CEP112: variants seen among roughly 807,000 people sequenced by gnomAD.
CEP112 encodes the protein centrosomal protein of 112 kDa.
A neutral mutation model predicts 153.0 loss-of-function variants in CEP112; 127 were observed. That is an observed-to-expected ratio of 0.83 (90% CI 0.72 to 0.96). The LOEUF is 0.96. CEP112 is among the 40% of genes least tolerant of loss of function. The pLI is 0.00. For synonymous variants in CEP112, 358 were observed against 374.4 expected, an observed-to-expected ratio of 0.96 and a Z score of 0.51; for missense variants, 1,089 against 1,101.2, an observed-to-expected ratio of 0.99 and a Z score of 0.16.
At chr17:66,134,988 T>C (rs996696625) in intron 4 of CEP112, among the ~76,000 whole-genome samples, 1 of 152,194 alleles carries the variant, frequency 6.6e-6, no homozygotes, top group Non-Finnish European at 1.5e-5. Context: ...CTCTGGATGA[T>C]CCAATGTATT....
At position 66,137,997 on chromosome 17, in the gene CEP112, A is replaced by G. The variant is rs139236078; in HGVS notation, c.471-5234T>C. On this transcript the variant is annotated intron_variant, in intron 4 of 26. Transcript: ENST00000535342. ...AAAGATGAAAGTCTTAAAAATAACT[A>G]TAACAGTTACTGAAACACCAGGAGT... Among the ~76,000 whole-genome samples the G allele has an allele frequency of 5.6e-3, 846 of 152,280 alleles. 5 individuals are homozygous for G. Among genetic ancestry groups the G allele is most frequent in the Non-Finnish European group, 9.2e-3 (623 of 68,024 alleles).
At chr17:66,087,540 A>T (rs2067984181) in intron 8 of CEP112, among the ~76,000 whole-genome samples, 1 of 152,206 alleles carries the variant, frequency 6.6e-6, no homozygotes, top group Non-Finnish European at 1.5e-5. Context: ...TAACACCAGG[A>T]TTATACAAGA....
chr17:65,941,049 A>T (rs2061491599), intron 18 of CEP112, among the ~76,000 whole-genome samples: 1 of 152,126 alleles, frequency 6.6e-6, no homozygotes, highest in Non-Finnish European at 1.5e-5. Flanking sequence ...ATAAAAAATT[A>T]AAATTAAAAT....
intron 19 of CEP112, among the ~76,000 whole-genome samples, chr17:65,908,658 C>T (rs955172034): frequency 2.0e-5 from 3 of 150,430 alleles, no homozygotes; most frequent in African/African-American, 7.4e-5. Context: ...CACGCCATTG[C>T]ACTCCAGCCT....
intron 4 of CEP112, among the ~76,000 whole-genome samples, chr17:66,171,409 A>G (rs1236752573): frequency 2.0e-4 from 31 of 152,200 alleles, no homozygotes; most frequent in Admixed American, 2.0e-3. Context: ...AGTAACAATA[A>G]ATTATTCACC....
At chr17:66,015,873 A>C (rs1451942089) in intron 16 of CEP112, among the ~76,000 whole-genome samples, 1 of 152,104 alleles carries the variant, frequency 6.6e-6, no homozygotes, top group African/African-American at 2.4e-5. Context: ...ATCAGTTGTT[A>C]TATACTGGTT....
intron 24 of CEP112, among the ~76,000 whole-genome samples, chr17:65,687,401 G>A (rs232119): frequency 0.44 from 66,590 of 151,558 alleles, 14,878 homozygotes; most frequent in Middle Eastern, 0.55. Context: ...TCCTGACCTC[G>A]TTGATCCGCC....
intron 21 of CEP112, among the ~76,000 whole-genome samples, chr17:65,839,053 C>T (rs1486973820): frequency 6.6e-6 from 1 of 152,116 alleles, no homozygotes; most frequent in Non-Finnish European, 1.5e-5. Flanking sequence ...GAGGGCTTCA[C>T]TGCTGAATTC....
intron 6 of CEP112, among the ~76,000 whole-genome samples, chr17:66,117,130 A>G (rs1409749105): frequency 6.6e-6 from 1 of 152,076 alleles, no homozygotes; most frequent in African/African-American, 2.4e-5. Context: ...TCTTGACCTC[A>G]TGATCCACTC....
chr17:66,035,008 AT>A (rs1218978308), intron 12 of CEP112, among the ~76,000 whole-genome samples: 2,120 of 72,340 alleles, frequency 0.029, 114 homozygotes, highest in African/African-American at 0.08. Flanking sequence ...ATATATATAT[AT>A]TTTTTTTTTT....
At chr17:65,946,057 A>G (rs911940088) in intron 18 of CEP112, among the ~76,000 whole-genome samples, 1 of 152,178 alleles carries the variant, frequency 6.6e-6, no homozygotes, top group African/African-American at 2.4e-5. Context: ...ATTGATTCAC[A>G]GTTCTTTATC....
chr17:65,770,632 T>C (rs1200558508), intron 21 of CEP112, among the ~76,000 whole-genome samples: 1 of 152,096 alleles, frequency 6.6e-6, no homozygotes, highest in Non-Finnish European at 1.5e-5. Context: ...GACAATTGAA[T>C]ATTTAAAGCA....
At chr17:65,901,468 G>A (rs1267801442) in intron 20 of CEP112, among the ~76,000 whole-genome samples, 1 of 151,878 alleles carries the variant, frequency 6.6e-6, no homozygotes, top group Non-Finnish European at 1.5e-5. Flanking sequence ...TTTTTCATCT[G>A]AAATTTATAA....
Position 65,752,040 on chromosome 17 carries a change from ATCCAT to A in CEP112, c.2395-1321_2395-1317del, listed in dbSNP as rs1387739219. Among the ~76,000 whole-genome samples the A allele has an allele frequency of 1.3e-4, 20 of 149,986 alleles. No individual in the cohort carries two copies. In the East Asian group the frequency reaches 3.7e-3, roughly 28 times the overall value. The stretch of plus-strand genomic sequence containing the variant: ...CATCCATCCATCCATCCATCCATCC[ATCCAT>A]CCATCCATCCATCCATCCATCATCT... On this transcript the variant is annotated intron_variant, in intron 21 of 26. Coordinates refer to ENST00000535342, the MANE Select transcript of CEP112 (RefSeq NM_001199165.4).
chr17:65,858,985 G>A (rs893225122), intron 20 of CEP112, among the ~76,000 whole-genome samples: 28 of 152,158 alleles, frequency 1.8e-4, no homozygotes, highest in African/African-American at 6.7e-4. Context: ...AGTGTCTTAG[G>A]TCTAATTCCA....
intron 17 of CEP112, among the ~76,000 whole-genome samples, chr17:65,994,592 G>A (rs758786497): frequency 6.6e-6 from 1 of 152,168 alleles, no homozygotes; most frequent in African/African-American, 2.4e-5. Flanking sequence ...GACTTCCAAA[G>A]TGCTGGGATT....
At position 65,813,054 on chromosome 17, in the gene CEP112, C is replaced by CA. The variant is rs1388016918; in HGVS notation, c.2394+38749dup. Among the ~76,000 whole-genome samples, 5 of 152,264 alleles carry CA rather than the reference C, an allele frequency of 3.3e-5. No individual in the cohort carries two copies. The East Asian group carries it at 9.6e-4, about 29-fold the overall frequency. ...ATTATTTCAAATAAGATAATGTATG[C>CA]ATGAGTGAGCATTTCCTCTGAATCC... On this transcript the variant is annotated intron_variant, in intron 21 of 26. Transcript: ENST00000535342.
At chr17:66,108,272 CA>C (rs1184159527) in intron 6 of CEP112, among the ~76,000 whole-genome samples, 1 of 152,096 alleles carries the variant, frequency 6.6e-6, no homozygotes, top group African/African-American at 2.4e-5. Context: ...CCCACAAGCA[CA>C]GGCAACCAAA....
intron 4 of CEP112, among the ~76,000 whole-genome samples, chr17:66,143,414 G>GA (rs2070788407): frequency 6.6e-6 from 1 of 152,110 alleles, no homozygotes; most frequent in Non-Finnish European, 1.5e-5. Context: ...GGCAGTGCCT[G>GA]AAAAAAGCAA....
Sources: allele counts gnomAD v4.1 joint callset (sites outside exome capture counted in the v4.1 genomes callset), GRCh38; gene constraint gnomAD v4.1.1; transcripts MANE v1.5; gene names NCBI Gene and HGNC (gene_info 2026-07-23, HGNC 2026-07-21).